LUZP2: variants seen among roughly 807,000 people sequenced by gnomAD.
LUZP2 encodes leucine zipper protein 2.
In LUZP2, 52 loss-of-function variants were observed where a neutral mutation model predicts 51.6. That is an observed-to-expected ratio of 1.01 (90% CI 0.81 to 1.27). The LOEUF is 1.27. LUZP2 is among the 50% of genes most tolerant of loss of function. The probability of loss-of-function intolerance (pLI) is 0.00; values close to 1 mark genes in which losing one functional copy is unlikely to be tolerated. For missense variants in LUZP2, 436 were observed against 395.4 expected (o/e 1.10, Z -0.87); for synonymous variants, 154 against 137.3 (o/e 1.12, Z -0.85).
At chr11:24,574,211 CCTTTCTTTCTTT>C (rs1169525307) in intron 1 of LUZP2, among the ~76,000 whole-genome samples, 40 of 6,056 alleles carry the variant, frequency 6.6e-3, no homozygotes, top group African/African-American at 7.9e-3. Context: ...TTTCTTCCTT[CCTTTCTTTCTTT>C]CTTTCTTTCT....
intron 1 of LUZP2, among the ~76,000 whole-genome samples, chr11:24,676,088 T>G (rs1273671779): frequency 6.6e-6 from 1 of 152,004 alleles, no homozygotes; most frequent in Non-Finnish European, 1.5e-5. Context: ...CAAAGTGCTA[T>G]GATTACAGGA....
intron 1 of LUZP2, among the ~76,000 whole-genome samples, chr11:24,706,302 T>C (rs1857581391): frequency 6.6e-6 from 1 of 152,160 alleles, no homozygotes; most frequent in African/African-American, 2.4e-5. Context: ...TCGTTACTTA[T>C]GTTGTTATAA....
At chr11:24,846,051 C>A (rs1169557234) in intron 5 of LUZP2, among the ~76,000 whole-genome samples, 1 of 151,484 alleles carries the variant, frequency 6.6e-6, no homozygotes, top group Non-Finnish European at 1.5e-5. Flanking sequence ...TCAACGCAGG[C>A]AAGGATCCCT....
intron 5 of LUZP2, among the ~76,000 whole-genome samples, chr11:24,804,653 G>A (rs1410118532): frequency 6.6e-6 from 1 of 152,068 alleles, no homozygotes; most frequent in Non-Finnish European, 1.5e-5. Context: ...CCAGGTATAG[G>A]AGGGCTACTT....
chr11:24,633,365 G>C (rs1854958979), intron 1 of LUZP2, among the ~76,000 whole-genome samples: 1 of 151,904 alleles, frequency 6.6e-6, no homozygotes, highest in African/African-American at 2.4e-5. Context: ...TATGTTCTTA[G>C]CAAAAGATAC....
chr11:24,931,304 G>A (rs1360403043), intron 7 of LUZP2, among the ~76,000 whole-genome samples: 2 of 151,684 alleles, frequency 1.3e-5, no homozygotes, highest in Non-Finnish European at 2.9e-5. Context: ...TGTTGGATTG[G>A]GTTAATTCAA....
chr11:24,961,739 C>T (rs1012271265), intron 7 of LUZP2, among the ~76,000 whole-genome samples: 2 of 151,750 alleles, frequency 1.3e-5, no homozygotes, highest in African/African-American at 4.8e-5. Flanking sequence ...AGCATTTAGT[C>T]CATTTACATT....
chr11:24,654,827 CTT>C (rs35699452), intron 1 of LUZP2, among the ~76,000 whole-genome samples: 1 of 146,974 alleles, frequency 6.8e-6, no homozygotes, highest in Non-Finnish European at 1.5e-5. Flanking sequence ...GCCCGGCCTA[CTT>C]TTTTTTTTTG....
At chr11:24,771,862 G>T (rs758945391) in intron 5 of LUZP2, among the ~76,000 whole-genome samples, 1 of 152,074 alleles carries the variant, frequency 6.6e-6, no homozygotes, top group Non-Finnish European at 1.5e-5. Flanking sequence ...ACCTGACACC[G>T]TGTAAGACAT....
intron 5 of LUZP2, among the ~76,000 whole-genome samples, chr11:24,839,974 C>T (rs1262980354): frequency 6.6e-6 from 1 of 151,810 alleles, no homozygotes; most frequent in East Asian, 1.9e-4. Flanking sequence ...CATCTAGCCC[C>T]AGCATATTTT....
intron 9 of LUZP2, among the ~76,000 whole-genome samples, chr11:24,995,058 T>C (rs1011706917): frequency 4.6e-4 from 70 of 152,326 alleles, no homozygotes; most frequent in African/African-American, 1.6e-3. Flanking sequence ...ATAACTGTTA[T>C]AACCACAAAA....
intron 1 of LUZP2, among the ~76,000 whole-genome samples, chr11:24,636,299 A>G (rs1454296618): frequency 6.6e-6 from 1 of 152,160 alleles, no homozygotes; most frequent in East Asian, 1.9e-4. Flanking sequence ...CTACACTGGT[A>G]AAAACATTCC....
At chr11:24,663,307 C>T (rs1856084527) in intron 1 of LUZP2, among the ~76,000 whole-genome samples, 3 of 151,982 alleles carry the variant, frequency 2.0e-5, no homozygotes, top group African/African-American at 7.3e-5. Context: ...TGGCACTTCC[C>T]CTTTGTTCTC....
intron 5 of LUZP2, among the ~76,000 whole-genome samples, chr11:24,893,808 T>G (rs1484619421): frequency 6.6e-6 from 1 of 151,140 alleles, no homozygotes; most frequent in South Asian, 2.1e-4. Context: ...ACGCACATGG[T>G]TTATTATTTT....
intron 1 of LUZP2, among the ~76,000 whole-genome samples, chr11:24,719,934 G>A (rs1858198087): frequency 6.6e-6 from 1 of 152,144 alleles, no homozygotes; most frequent in African/African-American, 2.4e-5. Context: ...AGAGTCATTG[G>A]CTGATGAACA....
chr11:24,901,114 A>C (rs926451785), intron 5 of LUZP2, among the ~76,000 whole-genome samples: 1 of 152,064 alleles, frequency 6.6e-6, no homozygotes, highest in East Asian at 1.9e-4. Context: ...TTTCTTGCCT[A>C]TTTCTCCTCT....
intron 7 of LUZP2, among the ~76,000 whole-genome samples, chr11:24,916,464 C>T (rs1708412211): frequency 6.6e-6 from 1 of 151,850 alleles, no homozygotes; most frequent in African/African-American, 2.4e-5. Flanking sequence ...AGGTGTATTT[C>T]CTAATGCTAT....
At chr11:25,065,107 T>G (rs1446163) in intron 10 of LUZP2, among the ~76,000 whole-genome samples, 136,115 of 151,950 alleles carry the variant, frequency 0.9, 62,033 homozygotes, top group Non-Finnish European at 0.98. Flanking sequence ...AAATATTTGA[T>G]ACCAAAATAT....
At chr11:24,869,912 T>C (rs1206224488) in intron 5 of LUZP2, among the ~76,000 whole-genome samples, 5 of 152,168 alleles carry the variant, frequency 3.3e-5, no homozygotes, top group African/African-American at 9.7e-5. Context: ...AAAGCTGAGA[T>C]AGGCTAAGAG....
Sources: allele counts gnomAD v4.1 joint callset (sites outside exome capture counted in the v4.1 genomes callset), GRCh38; gene constraint gnomAD v4.1.1; transcripts MANE v1.5; gene names NCBI Gene and HGNC (gene_info 2026-07-23, HGNC 2026-07-21).